The following ISM1 variants were observed in gnomAD, a reference collection of about 807,000 sequenced individuals.
The protein encoded by ISM1 is isthmin 1.
A neutral mutation model predicts 46.3 loss-of-function variants in ISM1; 25 were observed. That is an observed-to-expected ratio of 0.54 (90% CI 0.39 to 0.75). The LOEUF (loss-of-function observed/expected upper bound fraction) is 0.75, where lower values mean the gene tolerates loss of function less well. ISM1 is among the 30% of genes least tolerant of loss of function. The pLI, the probability that ISM1 is intolerant of heterozygous loss-of-function variation, is 0.00. For synonymous variants in ISM1, 255 were observed against 256.7 expected, an observed-to-expected ratio of 0.99 and a Z score of 0.06; for missense variants, 536 against 625.4, an observed-to-expected ratio of 0.86 and a Z score of 1.52.
Position 13,246,188 on chromosome 20 carries a change from A to G in ISM1, c.138+24274A>G, listed in dbSNP as rs549343320. 1.8e-3 allele frequency among the ~76,000 whole-genome samples: 280 copies of G among 151,798 alleles called. 2 individuals carry two copies. The highest frequency in any genetic ancestry group is 3.3e-3 in the Admixed American group (50 of 15,230). ...CTCGGGAGGCTGAGGCAGCAGAATCACTTGAACCCAGGAGGCGGAGGTTGC... is the reference window on the plus strand; with the variant it reads ...CTCGGGAGGCTGAGGCAGCAGAATCGCTTGAACCCAGGAGGCGGAGGTTGC... On this transcript the variant is annotated intron_variant, in intron 1 of 5. Coordinates refer to ENST00000262487, the MANE Select transcript of ISM1 (RefSeq NM_080826.2).
intron 1 of ISM1, among the ~76,000 whole-genome samples, chr20:13,269,972 G>A (rs1600531848): frequency 2.6e-5 from 4 of 152,262 alleles, no homozygotes; most frequent in Admixed American, 6.6e-5. Context: ...TGGATAGATG[G>A]ATATGTGAAT....
chr20:13,274,672 C>G (rs7262568), intron 2 of ISM1, among the ~76,000 whole-genome samples: 4 of 146,150 alleles, frequency 2.7e-5, no homozygotes, highest in South Asian at 2.1e-4. Context: ...CACTCCCCGC[C>G]CCCCCCGCGC....
downstream of ISM1, among the ~76,000 whole-genome samples, chr20:13,304,495 C>G (rs141228211): frequency 5.1e-4 from 77 of 152,280 alleles, no homozygotes; most frequent in African/African-American, 1.5e-3. Context: ...TTTGCTGTCC[C>G]AAGCATCCCC....
At chr20:13,267,924 T>C (rs1267725616) in intron 1 of ISM1, among the ~76,000 whole-genome samples, 1 of 152,182 alleles carries the variant, frequency 6.6e-6, no homozygotes, top group African/African-American at 2.4e-5. Flanking sequence ...CCAAGATTTG[T>C]AATCCTAAAT....
intron 3 of ISM1, among the ~76,000 whole-genome samples, chr20:13,281,523 GGGAAAACTAAAGCCT>G (rs1293218841): frequency 1.3e-5 from 2 of 152,176 alleles, no homozygotes; most frequent in African/African-American, 4.8e-5. Flanking sequence ...CTTTACAGAT[GGGAAAACTAAAGCCT>G]GGAAAACTTA....
the ISM1 span, among the ~76,000 whole-genome samples, chr20:13,312,812 T>G: frequency 6.6e-6 from 1 of 152,212 alleles, no homozygotes; most frequent in Non-Finnish European, 1.5e-5. Flanking sequence ...GGAGTGGGCT[T>G]GCCATGATCA....
intron 1 of ISM1, among the ~76,000 whole-genome samples, chr20:13,262,495 C>G (rs2039999564): frequency 6.7e-6 from 1 of 148,254 alleles, no homozygotes; most frequent in African/African-American, 2.5e-5. Flanking sequence ...TCACTTTCCA[C>G]TCGTGTACTC....
At chr20:13,283,017 T>TC (rs1285624945) in intron 3 of ISM1, among the ~76,000 whole-genome samples, 5 of 152,134 alleles carry the variant, frequency 3.3e-5, no homozygotes, top group Non-Finnish European at 5.9e-5. Context: ...AACTGAGAAT[T>TC]CCCCTTTTCT....
At chr20:13,297,837 T>A (rs932978014) in intron 5 of ISM1, among the ~76,000 whole-genome samples, 1 of 152,178 alleles carries the variant, frequency 6.6e-6, no homozygotes, top group African/African-American at 2.4e-5. Flanking sequence ...CTTCTGGGGG[T>A]AGATTTTGAC....
chr20:13,306,503 T>G, the ISM1 span, among the ~76,000 whole-genome samples: 1 of 150,900 alleles, frequency 6.6e-6, no homozygotes. Context: ...TGGTGTTTTT[T>G]GTTTGTTTGT....
chr20:13,260,178 A>AG (rs1284458366), intron 1 of ISM1, among the ~76,000 whole-genome samples: 1 of 152,240 alleles, frequency 6.6e-6, no homozygotes, highest in African/African-American at 2.4e-5. Context: ...TGCCGGTGGC[A>AG]GGAGCTTTCT....
chr20:13,225,141 C>T (rs1379983574), intron 1 of ISM1, among the ~76,000 whole-genome samples: 1 of 152,108 alleles, frequency 6.6e-6, no homozygotes, highest in East Asian at 1.9e-4. Flanking sequence ...GCGTGAGCCA[C>T]CGCGCCCGGC....
At chr20:13,255,875 C>G (rs2039922809) in intron 1 of ISM1, among the ~76,000 whole-genome samples, 1 of 152,034 alleles carries the variant, frequency 6.6e-6, no homozygotes, top group Non-Finnish European at 1.5e-5. Flanking sequence ...TCATTCAGCC[C>G]ACCAACCAGC....
At chr20:13,248,135 T>C (rs1022764447) in intron 1 of ISM1, among the ~76,000 whole-genome samples, 16 of 152,130 alleles carry the variant, frequency 1.1e-4, no homozygotes, top group African/African-American at 3.9e-4. Context: ...GAGACTGAGG[T>C]TGTGGCTGCC....
At chr20:13,302,182 A>C (rs2123346871), downstream of ISM1, among the ~76,000 whole-genome samples, 1 of 152,298 alleles carries the variant, frequency 6.6e-6, no homozygotes, top group East Asian at 1.9e-4. Context: ...GGTGAAAATG[A>C]CTAATGTGAG....
chr20:13,321,275 A>AAAAAAT, the ISM1 span, among the ~76,000 whole-genome samples: 1 of 150,522 alleles, frequency 6.6e-6, no homozygotes, highest in African/African-American at 2.4e-5. Context: ...AAAAAAAAAA[A>AAAAAAT]AGATTTTATG....
chr20:13,288,672 C>T lies in ISM1; in HGVS notation c.776C>T (p.Pro259Leu). Residue 259 changes from proline (P) to leucine (L), a missense_variant, in exon 4 of 6, where the codon CCA becomes CTA. Coordinates refer to ENST00000262487, the MANE Select transcript of ISM1 (RefSeq NM_080826.2). ...ACAGAATCGAGGACCTGTGACCGTC[C>T]AAACTGCCCAGGTGCGTTTACCTGA... ...TATESRTCDR[P>L]NCPGIEDTFR... The T allele has an allele frequency of 6.2e-7, 1 of 1,613,760 alleles. No homozygotes were observed. The highest frequency in any genetic ancestry group is 8.5e-7 in the Non-Finnish European group (1 of 1,179,668).
chr20:13,267,221 G>GT (rs1173011533), intron 1 of ISM1, among the ~76,000 whole-genome samples: 1 of 152,216 alleles, frequency 6.6e-6, no homozygotes. Context: ...AGGTGCAAGA[G>GT]TAACTCAGAT....
chr20:13,318,496 G>T, the ISM1 span, among the ~76,000 whole-genome samples: 1 of 152,178 alleles, frequency 6.6e-6, no homozygotes, highest in Non-Finnish European at 1.5e-5. Context: ...CAAAAAACTT[G>T]AAAAATTGTG....
Sources: allele counts gnomAD v4.1 joint callset (sites outside exome capture counted in the v4.1 genomes callset), GRCh38; gene constraint gnomAD v4.1.1; transcripts MANE v1.5; gene names NCBI Gene and HGNC (gene_info 2026-07-23, HGNC 2026-07-21).